Variants in SLC27A4 observed in about 807,000 individuals in gnomAD.
The protein encoded by SLC27A4 is solute carrier family 27 member 4, also known as long-chain fatty acid transport protein 4.
SLC27A4 carries 33 observed loss-of-function variants against 64.4 expected under a neutral mutation model. The observed-to-expected ratio is 0.51, with a 90% CI of 0.39 to 0.68. The LOEUF (loss-of-function observed/expected upper bound fraction) is 0.68. Ranked by LOEUF, SLC27A4 falls within the 30% of genes least tolerant of loss-of-function variation. The probability of loss-of-function intolerance (pLI) is 0.00; values close to 1 mark genes in which losing one functional copy is unlikely to be tolerated. For synonymous variants in SLC27A4, 377 were observed against 370.0 expected, an observed-to-expected ratio of 1.02 and a Z score of -0.22; for missense variants, 824 against 883.5, an observed-to-expected ratio of 0.93 and a Z score of 0.85.
intron 6 of SLC27A4, 133 bp downstream of exon 6, chr9:128,350,708 C>T (rs1216188663): frequency 2.6e-6 from 2 of 773,356 alleles, no homozygotes; most frequent in Non-Finnish European, 4.4e-6. Flanking sequence ...GTAATCCCAG[C>T]ACTTTGGGAG....
intron 3 of SLC27A4, among the ~76,000 whole-genome samples, chr9:128,346,238 G>A (rs1024475928): frequency 6.9e-6 from 1 of 145,750 alleles, no homozygotes; most frequent in African/African-American, 2.6e-5. Context: ...TGTTTTTTTT[G>A]TTGTTGTTGT....
chr9:128,347,710 T>TA (rs548281175), intron 3 of SLC27A4, among the ~76,000 whole-genome samples: 15,787 of 103,210 alleles, frequency 0.15, 1,719 homozygotes, highest in African/African-American at 0.35. Flanking sequence ...AACTCTGTCT[T>TA]AAAAAAAAAA....
chr9:128,347,716 A>G (rs2131257294), intron 3 of SLC27A4, among the ~76,000 whole-genome samples: 1 of 142,902 alleles, frequency 7.0e-6, no homozygotes, highest in South Asian at 2.3e-4. Flanking sequence ...GTCTTAAAAA[A>G]AAAAAAAAAA....
intron 1 of SLC27A4, chr9:128,342,297 G>T (rs1439218058): frequency 1.2e-6 from 2 of 1,611,606 alleles, no homozygotes; most frequent in African/African-American, 2.7e-5. Flanking sequence ...AGAAGACAGA[G>T]ATGCAAGAGA....
intron 12 of SLC27A4, among the ~76,000 whole-genome samples, chr9:128,357,066 C>G (rs1263123116): frequency 6.8e-6 from 1 of 146,270 alleles, no homozygotes; most frequent in Non-Finnish European, 1.5e-5. Context: ...TGCACTCCAG[C>G]TTGGGCTACA....
intron 3 of SLC27A4, among the ~76,000 whole-genome samples, chr9:128,347,928 GAGGGAAGAAGGCAGCC>G (rs1832681101): frequency 2.0e-5 from 3 of 151,642 alleles, no homozygotes; most frequent in Admixed American, 2.0e-4. Flanking sequence ...TGAAAGGGGA[GAGGGAAGAAGGCAGCC>G]AGGGAAGAAG....
chr9:128,348,689 A>G lies in SLC27A4; in HGVS notation c.701A>G (p.Asp234Gly). The change falls in exon 4 of 13, where the codon GAC becomes GGC. Residue 234 changes from aspartate (D) to glycine (G), a missense_variant. Coordinates refer to ENST00000300456, the MANE Select transcript of SLC27A4 (RefSeq NM_005094.4). ...CCCAAGCACCTTCCCAGTTGCCCTGACAAGGGCTTCACAGGTGGGCTCCAT... is the reference window on the plus strand; with the variant it reads ...CCCAAGCACCTTCCCAGTTGCCCTGGCAAGGGCTTCACAGGTGGGCTCCAT... ...DAPKHLPSCP[D>G]KGFTDKLFYI... The G allele has an allele frequency of 6.2e-7, 1 of 1,613,978 alleles. No individual in the cohort carries two copies.
At chr9:128,355,603 A>G (rs1588565140) in intron 11 of SLC27A4, 41 bp downstream of exon 11, 4 of 1,606,810 alleles carry the variant, frequency 2.5e-6, no homozygotes, top group Non-Finnish European at 3.4e-6. Flanking sequence ...GGGAGGCACC[A>G]CCCAGGGGCA....
chr9:128,351,413 C>T (rs1385088627), intron 6 of SLC27A4, among the ~76,000 whole-genome samples: 27 of 151,882 alleles, frequency 1.8e-4, no homozygotes, highest in African/African-American at 6.5e-4. Flanking sequence ...GGCAACAGAG[C>T]GAGACACTGT....
chr9:128,342,039 C>T (rs1832580188), intron 1 of SLC27A4: 7 of 548,560 alleles, frequency 1.3e-5, no homozygotes, highest in Admixed American at 3.1e-5. Flanking sequence ...TGCCAGCGAG[C>T]CAGAGGCTCT....
At chr9:128,341,192 AG>A (rs1316829318) in intron 1 of SLC27A4, among the ~76,000 whole-genome samples, 2 of 151,984 alleles carry the variant, frequency 1.3e-5, no homozygotes, top group African/African-American at 2.4e-5. Flanking sequence ...GCTTTTCGCG[AG>A]GGGGAGGGGG....
chr9:128,357,020 G>A (rs1027723124), intron 12 of SLC27A4, among the ~76,000 whole-genome samples: 25 of 151,574 alleles, frequency 1.6e-4, no homozygotes, highest in Admixed American at 1.1e-3. Flanking sequence ...CTTGAGCCCC[G>A]GAGGTGGAGG....
rs777697758 is a variant in SLC27A4, at chr9:128,352,681, G to A, written c.921G>A (p.Thr307=). ...GCCAGTGCCTGCTGCATGGCATGAC[G>A]GTGGTGATTCGGAAGAAGTTCTCAG... ...GIGQCLLHGM[T]VVIRKKFSAS... The change falls in exon 7 of 13, where the codon ACG becomes ACA. Residue 307 remains threonine, a synonymous_variant. Transcript: ENST00000300456. 17 of 1,614,078 alleles carry A rather than the reference G, an allele frequency of 1.1e-5. No individual in the cohort carries two copies. The highest frequency in any genetic ancestry group is 1.4e-5 in the Non-Finnish European group (16 of 1,180,038).
rs746178942 is a variant in SLC27A4 at position 128,353,537 on chromosome 9, G to GC, written c.1322dup (p.Gly442ArgfsTer2). On this transcript the variant is annotated frameshift_variant, in exon 9 of 13. Coordinates refer to ENST00000300456, the MANE Select transcript of SLC27A4 (RefSeq NM_005094.4). LOFTEE classifies it high-confidence loss of function. This position sits in a 1 kb window ranked among gnomAD's most constrained non-coding sequence, Gnocchi z 4.9. The stretch of plus-strand genomic sequence containing the variant: ...CCGACGGCGTCTGCATTCCCTGCCA[G>GC]CCAGGTCTGCCACTTCGGGGTCAGA... The GC allele has an allele frequency of 8.7e-6, 14 of 1,613,830 alleles. No homozygotes were observed. The highest frequency in any genetic ancestry group is 6.7e-5 in the Admixed American group (4 of 59,996).
At chr9:128,347,857 T>G in intron 3 of SLC27A4, among the ~76,000 whole-genome samples, 1 of 144,782 alleles carries the variant, frequency 6.9e-6, no homozygotes. Flanking sequence ...ACCCTGTCTG[T>G]CTCTATTTAA....
intron 12 of SLC27A4, among the ~76,000 whole-genome samples, chr9:128,359,786 T>C (rs1832872360): frequency 2.0e-5 from 3 of 152,112 alleles, no homozygotes; most frequent in Non-Finnish European, 4.4e-5. Context: ...GCCTGGGTGA[T>C]AGAGTGAGAC....
intron 9 of SLC27A4, 26 bp from the exon 10 acceptor site, chr9:128,355,027 A>G (rs752232933): frequency 1.2e-6 from 2 of 1,605,762 alleles, no homozygotes; most frequent in South Asian, 1.1e-5. Context: ...CCTAGGGCAG[A>G]TCTGACCCTG....
chr9:128,357,289 G>A (rs1198588964), intron 12 of SLC27A4, among the ~76,000 whole-genome samples: 13 of 148,884 alleles, frequency 8.7e-5, no homozygotes, highest in African/African-American at 3.0e-4. Context: ...AAAATTAGCC[G>A]GGCGTGGTGG....
intron 12 of SLC27A4, among the ~76,000 whole-genome samples, chr9:128,357,261 CA>C (rs1007585471): frequency 2.7e-3 from 138 of 50,964 alleles, no homozygotes; most frequent in Admixed American, 3.9e-3. Context: ...GACTCTGTCT[CA>C]AAAAAAAAAA....
Sources: allele counts gnomAD v4.1 joint callset (sites outside exome capture counted in the v4.1 genomes callset), GRCh38; gene constraint gnomAD v4.1.1; non-coding constraint Gnocchi (gnomAD v3.1); transcripts MANE v1.5; gene names NCBI Gene and HGNC (gene_info 2026-07-23, HGNC 2026-07-21).